The following PCDHA11 variants were observed in gnomAD, a reference collection of about 807,000 sequenced individuals.
PCDHA11 encodes the protein protocadherin alpha 11.
PCDHA11 carries 61 observed loss-of-function variants against 70.3 expected under a neutral mutation model. The observed-to-expected ratio is 0.87, with a 90% CI of 0.71 to 1.07. The LOEUF is 1.07. Among genes scored for constraint, PCDHA11 ranks in the 50% least tolerant of loss-of-function variants. The probability of loss-of-function intolerance (pLI) is 0.00; values close to 1 mark genes in which losing one functional copy is unlikely to be tolerated. For missense variants in PCDHA11, 1,324 were observed against 1,237.5 expected (o/e 1.07, Z -1.05); for synonymous variants, 633 against 555.1 (o/e 1.14, Z -1.97).
chr5:140,884,634 G>T (rs1263952131), intron 1 of PCDHA11: 2 of 1,612,298 alleles, frequency 1.2e-6, no homozygotes, highest in Middle Eastern at 1.6e-4. Context: ...ACAGGCCAGA[G>T]GGAGGAGGAC....
At chr5:140,886,871 T>C (rs1045804511) in intron 1 of PCDHA11, among the ~76,000 whole-genome samples, 1 of 151,744 alleles carries the variant, frequency 6.6e-6, no homozygotes, top group Non-Finnish European at 1.5e-5. Flanking sequence ...AACTCCTATA[T>C]TGAACATTCA....
chr5:140,955,022 A>G (rs1468442096), intron 1 of PCDHA11, among the ~76,000 whole-genome samples: 2 of 152,182 alleles, frequency 1.3e-5, no homozygotes, highest in Non-Finnish European at 2.9e-5. Flanking sequence ...ACCATTTATT[A>G]AATAGGGAAT....
At chr5:140,876,298 G>T (rs1469744425) in intron 1 of PCDHA11, 3 of 1,613,970 alleles carry the variant, frequency 1.9e-6, no homozygotes, top group Non-Finnish European at 1.7e-6. Context: ...ACTTAATGGA[G>T]AAATTTCCTA....
At chr5:140,912,237 A>T (rs2075827332) in intron 1 of PCDHA11, among the ~76,000 whole-genome samples, 2 of 152,122 alleles carry the variant, frequency 1.3e-5, no homozygotes, top group South Asian at 4.2e-4. Flanking sequence ...CACTGACTCA[A>T]ATGTTAATCT....
chr5:140,937,259 G>T (rs1306999153), intron 1 of PCDHA11, among the ~76,000 whole-genome samples: 1 of 151,852 alleles, frequency 6.6e-6, no homozygotes, highest in African/African-American at 2.4e-5. Context: ...GGATGGTCTC[G>T]ATCTCCTGAC....
chr5:140,884,409 C>A (rs373513056), intron 1 of PCDHA11: 1 of 1,613,992 alleles, frequency 6.2e-7, no homozygotes, highest in Non-Finnish European at 8.5e-7. Context: ...TTGGTGCTCA[C>A]GTTGCTGCTG....
At chr5:140,938,424 T>C (rs960926721) in intron 1 of PCDHA11, among the ~76,000 whole-genome samples, 1 of 152,204 alleles carries the variant, frequency 6.6e-6, no homozygotes, top group African/African-American at 2.4e-5. Flanking sequence ...TTTGCAAAAA[T>C]CCTTTATCAG....
At chr5:140,969,149 G>T (rs782510891) in intron 1 of PCDHA11, 9 of 1,614,120 alleles carry the variant, frequency 5.6e-6, no homozygotes, top group Admixed American at 1.7e-5. Context: ...CTGCTACAAG[G>T]CCTGTCTGAC....
intron 3 of PCDHA11, among the ~76,000 whole-genome samples, chr5:141,006,716 C>T (rs904868679): frequency 2.0e-5 from 3 of 151,786 alleles, no homozygotes; most frequent in Non-Finnish European, 2.9e-5. Flanking sequence ...ATTTAGGAGG[C>T]AGAAATGACA....
intron 1 of PCDHA11, among the ~76,000 whole-genome samples, chr5:140,942,516 G>C (rs1172442572): frequency 2.0e-5 from 3 of 152,004 alleles, no homozygotes; most frequent in African/African-American, 7.3e-5. Flanking sequence ...AAACTCAGAG[G>C]GGAAGCAACT....
chr5:140,877,215 A>T, intron 1 of PCDHA11: 1 of 1,613,722 alleles, frequency 6.2e-7, no homozygotes, highest in Non-Finnish European at 8.5e-7. Context: ...GCGAGTTGGT[A>T]CCGCGGTCGG....
intron 1 of PCDHA11, among the ~76,000 whole-genome samples, chr5:140,890,167 A>G (rs1423577741): frequency 6.6e-6 from 1 of 152,174 alleles, no homozygotes; most frequent in East Asian, 1.9e-4. Context: ...CTGCCACAGA[A>G]ATAGGCAAAT....
Position 140,871,086 on chromosome 5 carries a change from G to T in PCDHA11, c.1983G>T (p.Thr661=), listed in dbSNP as rs556097993. The T allele has an allele frequency of 9.3e-6, 15 of 1,613,256 alleles. No homozygotes were observed. Among genetic ancestry groups the T allele is most frequent in the Non-Finnish European group, 1.1e-5 (13 of 1,179,852 alleles). The change falls in exon 1 of 4, where the codon ACG becomes ACT. Residue 661 remains threonine, a synonymous_variant. Transcript: ENST00000398640. ...KDHGEPALTA[T]ATVLVSLVES... ...ACGGTGAGCCGGCGCTGACGGCCACGGCCACCGTGCTGGTGTCGTTGGTGG... is the reference window on the plus strand; with the variant it reads ...ACGGTGAGCCGGCGCTGACGGCCACTGCCACCGTGCTGGTGTCGTTGGTGG...
chr5:140,885,566 G>T (rs190303990), intron 1 of PCDHA11, among the ~76,000 whole-genome samples: 3 of 152,162 alleles, frequency 2.0e-5, no homozygotes, highest in South Asian at 4.2e-4. Flanking sequence ...GAAATTGATT[G>T]TCAGATGTGG....
chr5:140,916,717 T>C (rs781839792), intron 1 of PCDHA11, among the ~76,000 whole-genome samples: 1 of 151,908 alleles, frequency 6.6e-6, no homozygotes, highest in South Asian at 2.1e-4. Flanking sequence ...AAGGAAGGAG[T>C]GACTTTTGTT....
chr5:140,982,308 A>T, intron 2 of PCDHA11, 167 bp from the exon 3 acceptor site: 1 of 1,269,286 alleles, frequency 7.9e-7, no homozygotes. Context: ...ATGCTTCTGC[A>T]GTTTATGCAG....
At chr5:140,935,732 A>G (rs933243274) in intron 1 of PCDHA11, among the ~76,000 whole-genome samples, 3 of 152,212 alleles carry the variant, frequency 2.0e-5, no homozygotes, top group African/African-American at 4.8e-5. Flanking sequence ...GAAGTCTAGT[A>G]TCTATTATTC....
intron 1 of PCDHA11, chr5:140,927,440 C>T (rs782460713): frequency 3.7e-6 from 6 of 1,614,050 alleles, no homozygotes; most frequent in Admixed American, 3.3e-5. Context: ...AGCGAATACC[C>T]GGAGTTGGTG....
intron 1 of PCDHA11, among the ~76,000 whole-genome samples, chr5:140,957,554 G>A (rs1291687434): frequency 6.6e-6 from 1 of 152,074 alleles, no homozygotes; most frequent in African/African-American, 2.4e-5. Flanking sequence ...ATTCTCTGTG[G>A]AAAAGGAGGG....
Sources: gnomAD v4.1 joint callset for allele counts (sites outside exome capture counted in the v4.1 genomes callset) on GRCh38, gnomAD v4.1.1 for gene constraint, MANE v1.5 for transcripts, NCBI Gene and HGNC (gene_info 2026-07-23, HGNC 2026-07-21) for gene names.